The following BIN3 variants were observed in gnomAD, a reference collection of about 807,000 sequenced individuals.
The protein encoded by BIN3 is bridging integrator 3.
Under a neutral mutation model 38.2 loss-of-function variants are expected in BIN3, and 41 were observed. The observed-to-expected ratio is 1.07, with a 90% CI of 0.84 to 1.39. BIN3 has a LOEUF of 1.39. Ranked by LOEUF, BIN3 falls within the 40% of genes most tolerant of loss-of-function variation. The pLI, the probability that BIN3 is intolerant of heterozygous loss-of-function variation, is 0.00. For missense variants in BIN3, 361 were observed against 324.3 expected (o/e 1.11, Z -0.87); for synonymous variants, 145 against 122.6 (o/e 1.18, Z -1.21).
At position 22,627,679 on chromosome 8, in the gene BIN3, G is replaced by T. The variant is rs529399415; in HGVS notation, c.338+2285C>A. 5.3e-5 allele frequency among the ~76,000 whole-genome samples: 8 copies of T among 152,284 alleles called. No homozygotes were observed. The South Asian group carries it at 1.7e-3, about 32-fold the overall frequency. On this transcript the variant is annotated intron_variant, in intron 6 of 8. Coordinates refer to ENST00000276416, the MANE Select transcript of BIN3 (RefSeq NM_018688.6). ...CCCTCCTCTCTCCCTGCCCACCTCA[G>T]CCCACCAAAACCTCCTCTCCCACTC...
intron 1 of BIN3, among the ~76,000 whole-genome samples, chr8:22,656,996 CCT>C (rs1445477777): frequency 2.0e-5 from 3 of 152,178 alleles, no homozygotes; most frequent in Admixed American, 6.5e-5. Flanking sequence ...CTTGGCAACC[CCT>C]GTTAAGTACT....
intron 1 of BIN3, among the ~76,000 whole-genome samples, chr8:22,663,980 A>G (rs1803328156): frequency 6.6e-6 from 1 of 152,234 alleles, no homozygotes; most frequent in Non-Finnish European, 1.5e-5. Flanking sequence ...CGACTCATGC[A>G]AGTCTTTTAA....
intron 1 of BIN3, among the ~76,000 whole-genome samples, chr8:22,667,902 G>T (rs946784469): frequency 1.3e-5 from 2 of 152,226 alleles, no homozygotes; most frequent in African/African-American, 4.8e-5. Context: ...GTTCTCCACT[G>T]ATGGCCAAAA....
At chr8:22,665,454 TAC>T (rs1206132719) in intron 1 of BIN3, among the ~76,000 whole-genome samples, 1 of 151,594 alleles carries the variant, frequency 6.6e-6, no homozygotes, top group Non-Finnish European at 1.5e-5. Flanking sequence ...GCCAGCGGAG[TAC>T]AGATGCTGAT....
intron 4 of BIN3, among the ~76,000 whole-genome samples, chr8:22,632,946 T>C (rs1008603699): frequency 6.6e-6 from 1 of 152,130 alleles, no homozygotes; most frequent in Non-Finnish European, 1.5e-5. Flanking sequence ...TGACCTCAGG[T>C]GATCTACCTG....
chr8:22,624,861 G>A (rs1801957304), intron 6 of BIN3: 1 of 195,286 alleles, frequency 5.1e-6, no homozygotes, highest in Admixed American at 5.3e-5. Flanking sequence ...AAGTCACGAT[G>A]AGGCAGAGAA....
At chr8:22,643,939 T>A (rs1802640704) in intron 2 of BIN3, among the ~76,000 whole-genome samples, 1 of 152,194 alleles carries the variant, frequency 6.6e-6, no homozygotes, top group Non-Finnish European at 1.5e-5. Context: ...AAGGCTATTT[T>A]GCACCGGGAT....
At chr8:22,623,127 G>A (rs936506309) in intron 8 of BIN3, among the ~76,000 whole-genome samples, 6 of 152,224 alleles carry the variant, frequency 3.9e-5, no homozygotes, top group African/African-American at 1.2e-4. Context: ...AGGGTGCCAC[G>A]GGTGTTGGGG....
intron 1 of BIN3, among the ~76,000 whole-genome samples, chr8:22,656,757 A>G (rs1013889698): frequency 1.2e-4 from 18 of 152,222 alleles, no homozygotes; most frequent in Admixed American, 3.9e-4. Context: ...TAGGTTTTTG[A>G]ATTCCACCAA....
intron 6 of BIN3, among the ~76,000 whole-genome samples, chr8:22,628,838 C>G (rs1336496585): frequency 6.6e-6 from 1 of 152,174 alleles, no homozygotes; most frequent in Non-Finnish European, 1.5e-5. Flanking sequence ...TGTCCCGAAG[C>G]CCAGGACCAA....
chr8:22,632,592 C>G (rs1421365215), intron 4 of BIN3, among the ~76,000 whole-genome samples: 3 of 151,904 alleles, frequency 2.0e-5, no homozygotes, highest in Admixed American at 2.0e-4. Flanking sequence ...TAATAAAATT[C>G]TGGATAAAGC....
At chr8:22,666,624 G>T (rs541520233) in intron 1 of BIN3, among the ~76,000 whole-genome samples, 11 of 152,306 alleles carry the variant, frequency 7.2e-5, no homozygotes, top group African/African-American at 2.6e-4. Flanking sequence ...AACAGGGGGT[G>T]GGCGGGTTGC....
At chr8:22,625,683 G>A (rs1801980833) in intron 6 of BIN3, 2 of 368,214 alleles carry the variant, frequency 5.4e-6, no homozygotes, top group Non-Finnish European at 1.0e-5. Flanking sequence ...CACCTCCTGG[G>A]TTCCAGCAAT....
chr8:22,666,668 A>T (rs1186725278), intron 1 of BIN3, among the ~76,000 whole-genome samples: 1 of 152,086 alleles, frequency 6.6e-6, no homozygotes, highest in East Asian at 1.9e-4. Flanking sequence ...AAGGCCTCTC[A>T]CTCTTCATGC....
chr8:22,659,563 T>C (rs543078195), intron 1 of BIN3, among the ~76,000 whole-genome samples: 3 of 152,354 alleles, frequency 2.0e-5, no homozygotes, highest in African/African-American at 7.2e-5. Context: ...CAACCACTTA[T>C]TGAGCATCTA....
intron 1 of BIN3, among the ~76,000 whole-genome samples, chr8:22,663,395 C>G (rs921222449): frequency 1.1e-4 from 16 of 146,222 alleles, no homozygotes; most frequent in African/African-American, 4.1e-4. Context: ...TGTAATTGCA[C>G]TACTGCACTC....
chr8:22,625,282 G>A (rs1458420691), intron 6 of BIN3: 1 of 701,612 alleles, frequency 1.4e-6, no homozygotes, highest in South Asian at 1.5e-5. Context: ...CTGGCCCTCG[G>A]TGCAATGGCA....
chr8:22,648,469 A>T (rs1484133722), intron 1 of BIN3, among the ~76,000 whole-genome samples: 1 of 152,042 alleles, frequency 6.6e-6, no homozygotes, highest in Non-Finnish European at 1.5e-5. Context: ...CATTTTACAG[A>T]ATGCCAACTT....
At chr8:22,645,974 A>T (rs1168009456) in intron 1 of BIN3, among the ~76,000 whole-genome samples, 3 of 152,220 alleles carry the variant, frequency 2.0e-5, no homozygotes, top group African/African-American at 7.2e-5. Flanking sequence ...CCTACTTTAC[A>T]GCATGGCACA....
Sources: gnomAD v4.1 joint callset for allele counts (sites outside exome capture counted in the v4.1 genomes callset) on GRCh38, gnomAD v4.1.1 for gene constraint, MANE v1.5 for transcripts, NCBI Gene and HGNC (gene_info 2026-07-23, HGNC 2026-07-21) for gene names.